POU5F1: variants seen among roughly 807,000 people sequenced by gnomAD.
POU5F1 encodes the protein POU class 5 homeobox 1.
Under a neutral mutation model 38.3 loss-of-function variants are expected in POU5F1, and 6 were observed. That is an observed-to-expected ratio of 0.16 (90% CI 0.09 to 0.31). The LOEUF (loss-of-function observed/expected upper bound fraction) is 0.31, where lower values mean the gene tolerates loss of function less well. POU5F1 is among the 10% of genes least tolerant of loss of function. The pLI is 1.00. For synonymous variants in POU5F1, 147 were observed against 194.9 expected (o/e 0.75, Z 2.05); for missense variants, 286 against 462.6 (o/e 0.62, Z 3.50).
intron 1 of POU5F1, chr6:31,167,261 C>T (rs1777338280): frequency 3.5e-6 from 1 of 286,158 alleles, no homozygotes; most frequent in Admixed American, 5.3e-5. Context: ...CACAGTGGCT[C>T]ATGTCTGTAA....
Position 31,165,487 on chromosome 6 carries a change from C to T in POU5F1, c.657+84G>A, listed in dbSNP as rs1052735602. ...CCACTGAGAACCACTGCACCAAAGA[C>T]GGAGAGCTACGAGCCAGTGATGGAA... On this transcript the variant is annotated intron_variant, in intron 3 of 4. Coordinates refer to ENST00000259915, the MANE Select transcript of POU5F1 (RefSeq NM_002701.6). The surrounding 1 kb of genome is among the most constrained non-coding windows in gnomAD (Gnocchi z 6.5). 11 of 1,604,128 alleles carry T rather than the reference C, an allele frequency of 6.9e-6. No individual in the cohort carries two copies. Among genetic ancestry groups the T allele is most frequent in the East Asian group, 2.2e-5 (1 of 44,806 alleles).
intron 4 of POU5F1, 45 bp from the exon 5 acceptor site, chr6:31,164,912 T>TGA (rs34176717): frequency 0.67 from 1,057,855 of 1,588,102 alleles, 355,487 homozygotes; most frequent in African/African-American, 0.79. Flanking sequence ...GACAATGAGC[T>TGA]GAGACGGGCC....
intron 1 of POU5F1, 127 bp downstream of exon 1, chr6:31,170,089 G>T: frequency 6.7e-7 from 1 of 1,490,834 alleles, no homozygotes. Flanking sequence ...TCCCTGGCCA[G>T]GGCAGCTGAC....
intron 1 of POU5F1, 46 bp downstream of exon 1, chr6:31,170,170 G>A (rs752708665): frequency 9.9e-6 from 16 of 1,612,388 alleles, no homozygotes; most frequent in Non-Finnish European, 1.4e-5. Context: ...AGGCTGCCCT[G>A]TCATGACCAC....
chr6:31,169,246 C>A (rs1777497607), intron 1 of POU5F1, among the ~76,000 whole-genome samples: 1 of 152,132 alleles, frequency 6.6e-6, no homozygotes. Flanking sequence ...ACCACAATTG[C>A]CAGCCATTAT....
intron 4 of POU5F1, 96 bp from the exon 5 acceptor site, chr6:31,164,963 G>C: frequency 6.4e-7 from 1 of 1,554,820 alleles, no homozygotes; most frequent in Admixed American, 1.9e-5. Context: ...AACAGCCCTA[G>C]AGCAGTTAGA....
chr6:31,165,537 G>A lies in POU5F1; in HGVS notation c.657+34C>T. 1.2e-6 allele frequency: 2 copies of A among 1,612,398 alleles called. No individual in the cohort carries two copies. The highest frequency in any genetic ancestry group is 1.7e-6 in the Non-Finnish European group (2 of 1,179,890). Reference sequence around the variant, plus strand: ...AGCAATGGAAATTAGGCCAAGAAAGGGAAGGTCCCCGGGTATCCCCCTCCC... The same window carrying A: ...AGCAATGGAAATTAGGCCAAGAAAGAGAAGGTCCCCGGGTATCCCCCTCCC... On this transcript the variant is annotated intron_variant, in intron 3 of 4. Coordinates refer to ENST00000259915, the MANE Select transcript of POU5F1 (RefSeq NM_002701.6). This position sits in a 1 kb window ranked among gnomAD's most constrained non-coding sequence, Gnocchi z 6.5.
In POU5F1 at chr6:31,165,465, C is replaced by A; in HGVS notation, c.657+106G>T. On this transcript the variant is annotated intron_variant, in intron 3 of 4. Coordinates refer to ENST00000259915, the MANE Select transcript of POU5F1 (RefSeq NM_002701.6). This position sits in a 1 kb window ranked among gnomAD's most constrained non-coding sequence, Gnocchi z 6.5. ...AACTGAGGAATTTCACTCCATCCCA[C>A]TGAGAACCACTGCACCAAAGACGGA... The A allele has an allele frequency of 6.3e-7, 1 of 1,593,332 alleles. No individual in the cohort carries two copies. The highest frequency in any genetic ancestry group is 2.2e-5 in the East Asian group (1 of 44,660).
chr6:31,167,209 C>A (rs1561859332), intron 1 of POU5F1: 1 of 305,134 alleles, frequency 3.3e-6, no homozygotes, highest in Non-Finnish European at 6.3e-6. Flanking sequence ...TCCACTCCTG[C>A]TCTGAAAAAT....
chr6:31,170,426 C>G lies in POU5F1; in HGVS notation c.195G>C (p.Pro65=), dbSNP rs747375993. ...SEVWGIPPCP[P]PYEFCGGMAY... ...CCATCCCCCCACAGAACTCATACGG[C>G]GGGGGGCATGGGGGAATCCCCCACA... The change falls in exon 1 of 5, where the codon CCG becomes CCC. Residue 65 remains proline, a synonymous_variant. Transcript: ENST00000259915. 1.2e-6 allele frequency: 2 copies of G among 1,611,752 alleles called. No homozygotes were observed. Among genetic ancestry groups the G allele is most frequent in the Non-Finnish European group, 1.7e-6 (2 of 1,179,624 alleles).
At position 31,164,664 on chromosome 6, in the gene POU5F1, A is replaced by C. The variant is rs761734933; in HGVS notation, c.1020T>G (p.Pro340=). 6.3e-7 allele frequency: 1 copy of C among 1,586,846 alleles called. No homozygotes were observed. Among genetic ancestry groups the C allele is most frequent in the South Asian group, 1.1e-5 (1 of 87,568 alleles). Residue 340 remains proline (P), a synonymous_variant, in exon 5 of 5, where the codon CCT becomes CCG. Transcript: ENST00000259915. ...FTALYSSVPF[P]EGEAFPPVSV... is the part of the protein sequence containing the mutation. ...AGACAGGGGGAAAGGCTTCCCCCTC[A>C]GGGAAAGGGACCGAGGAGTACAGTG...
At position 31,165,315 on chromosome 6, in the gene POU5F1, G is replaced by T. The variant is rs1166980157; in HGVS notation, c.658-29C>A. 1.2e-6 allele frequency: 2 copies of T among 1,602,750 alleles called. No homozygotes were observed. The highest frequency in any genetic ancestry group is 1.7e-6 in the Non-Finnish European group (2 of 1,174,180). On this transcript the variant is annotated intron_variant, in intron 3 of 4. Transcript: ENST00000259915. This position sits in a 1 kb window ranked among gnomAD's most constrained non-coding sequence, Gnocchi z 6.5. ...TGCAGGTGGGAAGGGGGTGACAAGG[G>T]CAAGCTTTGGACTTGCTGAGTAACA...
At chr6:31,164,900 T>C in intron 4 of POU5F1, 33 bp from the exon 5 acceptor site, 1 of 1,546,330 alleles carries the variant, frequency 6.5e-7, no homozygotes, top group East Asian at 2.3e-5. Context: ...AGAATGACAT[T>C]AGACAATGAG....
At position 31,165,551 on chromosome 6, in the gene POU5F1, T is replaced by TATCC. The variant is rs1299384932; in HGVS notation, c.657+16_657+19dup. On this transcript the variant is annotated intron_variant, in intron 3 of 4. Coordinates refer to ENST00000259915, the MANE Select transcript of POU5F1 (RefSeq NM_002701.6). The surrounding 1 kb of genome is among the most constrained non-coding windows in gnomAD (Gnocchi z 6.5). ...GGCCAAGAAAGGGAAGGTCCCCGGG[T>TATCC]ATCCCCCTCCCACCCTTACCTCCTG... is the stretch of plus-strand genomic sequence containing the variant. 14 of 1,612,908 alleles carry TATCC rather than the reference T, an allele frequency of 8.7e-6. No homozygotes were observed. The highest frequency in any genetic ancestry group is 1.0e-5 in the Non-Finnish European group (12 of 1,179,956).
At position 31,164,727 on chromosome 6, in the gene POU5F1, A is replaced by C; in HGVS notation, c.957T>G (p.His319Gln). ...PVSFPLAPGP[H>Q]FGTPGYGSPH... The stretch of plus-strand genomic sequence containing the variant: ...GGCTCCCATAGCCTGGGGTACCAAA[A>C]TGGGGCCCTGGGGCCAGAGGAAAGG... Residue 319 changes from histidine (H) to glutamine (Q), a missense_variant, in exon 5 of 5, where the codon CAT becomes CAG. His to Gln is a conservative substitution (Grantham distance 24, BLOSUM62 0). Around this residue, in one of 2 missense-constraint regions of POU5F1, gnomAD observed 110 missense variants for 277.8 expected, o/e 0.40. Transcript: ENST00000259915. The C allele has an allele frequency of 6.2e-7, 1 of 1,604,442 alleles. No individual in the cohort carries two copies. The highest frequency in any genetic ancestry group is 8.5e-7 in the Non-Finnish European group (1 of 1,175,566).
chr6:31,165,132 T>C lies in POU5F1; in HGVS notation c.812A>G (p.Lys271Arg), dbSNP rs1777122104. The C allele has an allele frequency of 6.2e-7, 1 of 1,608,232 alleles. No homozygotes were observed. Among genetic ancestry groups the C allele is most frequent in the Non-Finnish European group, 8.5e-7 (1 of 1,177,614 alleles). ...GCAGAGAGACATGGCACTCACATCCTTCTCGAGCCCAAGCTGCTGGGCGAT... is the reference window on the plus strand; with the variant it reads ...GCAGAGAGACATGGCACTCACATCCCTCTCGAGCCCAAGCTGCTGGGCGAT... ...SHIAQQLGLE[K>R]DVVRVWFCNR... Residue 271 changes from lysine to arginine, a missense_variant, in exon 4 of 5, where the codon AAG (lysine) becomes AGG (arginine). By Grantham distance (26) the Lys-to-Arg change is conservative (BLOSUM62 2). This residue lies in a region of POU5F1 where 110 missense variants were observed against 277.8 expected (regional missense o/e 0.40). Transcript: ENST00000259915. The surrounding 1 kb of genome is among the most constrained non-coding windows in gnomAD (Gnocchi z 6.5).
chr6:31,165,773 C>T lies in POU5F1; in HGVS notation c.527-72G>A. 6.4e-7 allele frequency: 1 copy of T among 1,566,412 alleles called. No homozygotes were observed. Among genetic ancestry groups the T allele is most frequent in the Non-Finnish European group, 8.7e-7 (1 of 1,155,012 alleles). On this transcript the variant is annotated intron_variant, in intron 2 of 4. Coordinates refer to ENST00000259915, the MANE Select transcript of POU5F1 (RefSeq NM_002701.6). The surrounding 1 kb of genome is among the most constrained non-coding windows in gnomAD (Gnocchi z 6.5). Reference sequence around the variant, plus strand: ...GGCCCTTGTGACCCTGAGATCCAAGCTTACCACCTCTTCCCAGAGGGAGCT... The same window carrying T: ...GGCCCTTGTGACCCTGAGATCCAAGTTTACCACCTCTTCCCAGAGGGAGCT...
rs1321757885 is a variant in POU5F1, at chr6:31,166,012, C to T, written c.441G>A (p.Glu147=). Reference sequence around the variant, plus strand: ...TCTGCTTCAGGAGCTTGGCAAATTGCTCGAGTTCTTTCTGCAGAGCTTTGA... The same window carrying T: ...TCTGCTTCAGGAGCTTGGCAAATTGTTCGAGTTCTTTCTGCAGAGCTTTGA... The part of the protein sequence containing the change: ...QDIKALQKEL[E]QFAKLLKQKR... Residue 147 remains glutamate (E), a synonymous_variant, in exon 2 of 5, where the codon GAG becomes GAA. Transcript: ENST00000259915. 1 of 1,614,068 alleles carries T rather than the reference C, an allele frequency of 6.2e-7. No individual in the cohort carries two copies. Among genetic ancestry groups the T allele is most frequent in the East Asian group, 2.2e-5 (1 of 44,894 alleles).
chr6:31,167,755 G>A (rs1777378237), intron 1 of POU5F1, among the ~76,000 whole-genome samples: 1 of 151,998 alleles, frequency 6.6e-6, no homozygotes, highest in African/African-American at 2.4e-5. Context: ...GGGTAAAGGA[G>A]GGAAGGAGAT....
Sources: gnomAD v4.1 joint callset for allele counts (sites outside exome capture counted in the v4.1 genomes callset) on GRCh38, gnomAD v4.1.1 for gene constraint, gnomAD v4.1.1 regional missense constraint, Gnocchi (gnomAD v3.1) non-coding constraint, MANE v1.5 for transcripts, NCBI Gene and HGNC (gene_info 2026-07-23, HGNC 2026-07-21) for gene names.